Variants in MYRIP observed in about 807,000 individuals in gnomAD.
The protein encoded by MYRIP is rab effector MyRIP.
Under a neutral mutation model 98.0 loss-of-function variants are expected in MYRIP, and 49 were observed. The observed-to-expected ratio is 0.50, with a 90% CI of 0.40 to 0.63. The LOEUF (loss-of-function observed/expected upper bound fraction) is 0.63. Among genes scored for constraint, MYRIP ranks in the 30% least tolerant of loss-of-function variants. MYRIP has a pLI of 0.00. For missense variants in MYRIP, 1,004 were observed against 1,058.2 expected, an observed-to-expected ratio of 0.95 and a Z score of 0.71; for synonymous variants, 404 against 409.5, an observed-to-expected ratio of 0.99 and a Z score of 0.16.
At chr3:40,210,323 C>T (rs1398663568) in intron 11 of MYRIP, among the ~76,000 whole-genome samples, 1 of 152,198 alleles carries the variant, frequency 6.6e-6, no homozygotes, top group African/African-American at 2.4e-5. Flanking sequence ...CTTCCACTAT[C>T]TTTCATCAAG....
chr3:39,984,823 A>G (rs1945991697), intron 2 of MYRIP, among the ~76,000 whole-genome samples: 1 of 151,896 alleles, frequency 6.6e-6, no homozygotes, highest in Admixed American at 6.6e-5. Context: ...CAATGGTTGA[A>G]CTAGTTTACA....
intron 3 of MYRIP, among the ~76,000 whole-genome samples, chr3:40,121,220 G>A (rs1019462315): frequency 6.6e-6 from 1 of 152,092 alleles, no homozygotes; most frequent in African/African-American, 2.4e-5. Context: ...AGTCCTAGAA[G>A]GGACCAAGGG....
chr3:40,061,627 A>G (rs982683891), intron 3 of MYRIP, among the ~76,000 whole-genome samples: 4 of 152,152 alleles, frequency 2.6e-5, no homozygotes, highest in Non-Finnish European at 5.9e-5. Flanking sequence ...GTTGAATGGT[A>G]GTTCTGTTTT....
At chr3:40,123,668 G>A (rs1949455703) in intron 3 of MYRIP, among the ~76,000 whole-genome samples, 1 of 152,184 alleles carries the variant, frequency 6.6e-6, no homozygotes, top group South Asian at 2.1e-4. Context: ...AAGATCCATT[G>A]TGAGCTGATC....
intron 10 of MYRIP, among the ~76,000 whole-genome samples, chr3:40,198,033 A>C (rs1295443784): frequency 6.6e-6 from 1 of 152,186 alleles, no homozygotes. Flanking sequence ...TGAATGAATG[A>C]ATTAGAAAGA....
At chr3:39,861,006 T>C (rs111804095) in intron 1 of MYRIP, among the ~76,000 whole-genome samples, 1 of 152,228 alleles carries the variant, frequency 6.6e-6, no homozygotes, top group East Asian at 1.9e-4. Flanking sequence ...TGCGTTCTGC[T>C]GCACTGCTGC....
intron 3 of MYRIP, among the ~76,000 whole-genome samples, chr3:40,136,641 A>T (rs9819384): frequency 0.23 from 32,605 of 144,074 alleles, 3,833 homozygotes; most frequent in South Asian, 0.36. Context: ...GAAGTAAAAC[A>T]CTCCTCAGCA....
intron 1 of MYRIP, among the ~76,000 whole-genome samples, chr3:39,877,539 T>G (rs1207973209): frequency 1.3e-5 from 2 of 152,308 alleles, no homozygotes; most frequent in East Asian, 3.9e-4. Context: ...GTCCTTTCTG[T>G]TTGTTAGTTT....
At chr3:39,817,015 C>T (rs367681178) in intron 1 of MYRIP, among the ~76,000 whole-genome samples, 15 of 152,246 alleles carry the variant, frequency 9.9e-5, no homozygotes, top group East Asian at 3.9e-4. Flanking sequence ...ATAGCACTAA[C>T]GAGTGTCTGC....
chr3:39,844,079 A>G (rs77595813), intron 1 of MYRIP, among the ~76,000 whole-genome samples: 186 of 152,316 alleles, frequency 1.2e-3, no homozygotes, highest in African/African-American at 4.3e-3. Flanking sequence ...GAGCTTCCAC[A>G]TAGGCATTCA....
chr3:40,228,022 G>A (rs1443759619), intron 11 of MYRIP, among the ~76,000 whole-genome samples: 1 of 152,226 alleles, frequency 6.6e-6, no homozygotes, highest in Non-Finnish European at 1.5e-5. Flanking sequence ...GTCCACAGTA[G>A]GAGACCACAG....
intron 3 of MYRIP, among the ~76,000 whole-genome samples, chr3:40,146,657 T>C (rs1950017529): frequency 6.6e-6 from 1 of 152,180 alleles, no homozygotes; most frequent in Non-Finnish European, 1.5e-5. Flanking sequence ...CCAACAGCTT[T>C]AGACTGACCT....
intron 10 of MYRIP, among the ~76,000 whole-genome samples, chr3:40,200,816 G>A (rs1455845528): frequency 6.6e-6 from 1 of 152,148 alleles, no homozygotes; most frequent in East Asian, 1.9e-4. Flanking sequence ...TCACGTGATT[G>A]CCAGGAAATC....
chr3:39,918,485 G>A (rs908613937), intron 2 of MYRIP, among the ~76,000 whole-genome samples: 9 of 152,036 alleles, frequency 5.9e-5, no homozygotes, highest in Non-Finnish European at 1.0e-4. Flanking sequence ...TGAGTATCCC[G>A]CAACCACCTG....
At chr3:40,150,574 T>C (rs931969776) in intron 3 of MYRIP, among the ~76,000 whole-genome samples, 1 of 152,234 alleles carries the variant, frequency 6.6e-6, no homozygotes, top group Non-Finnish European at 1.5e-5. Flanking sequence ...TAAAGCCTAC[T>C]ATTAAATGCC....
rs530484163 is a variant in MYRIP, at chr3:39,880,833, T to C, written c.-30-19954T>C. ...TGATATATTTTGATGTCATATTTCATTCATTGTGTTGGAGACTCAGTGGGT... is the reference window on the plus strand; with the variant it reads ...TGATATATTTTGATGTCATATTTCACTCATTGTGTTGGAGACTCAGTGGGT... On this transcript the variant is annotated intron_variant, in intron 1 of 16. Transcript: ENST00000302541. Among the ~76,000 whole-genome samples the C allele has an allele frequency of 4.6e-5, 7 of 152,334 alleles. No homozygotes were observed. In the South Asian group the frequency reaches 1.0e-3, roughly 23 times the overall value.
At chr3:39,928,434 A>G (rs779078020) in intron 2 of MYRIP, among the ~76,000 whole-genome samples, 1 of 152,016 alleles carries the variant, frequency 6.6e-6, no homozygotes, top group Non-Finnish European at 1.5e-5. Context: ...AAAATCTTGT[A>G]CAAAATATTA....
At chr3:40,093,486 C>G (rs1014220115) in intron 3 of MYRIP, among the ~76,000 whole-genome samples, 1 of 152,198 alleles carries the variant, frequency 6.6e-6, no homozygotes, top group Admixed American at 6.5e-5. Flanking sequence ...CCCAGATTCT[C>G]TAGTTGGAAC....
intron 3 of MYRIP, among the ~76,000 whole-genome samples, chr3:40,146,007 GA>G (rs766508651): frequency 4.6e-5 from 7 of 152,154 alleles, no homozygotes; most frequent in Admixed American, 3.3e-4. Flanking sequence ...ATAGGAGTGG[GA>G]AAAAAATGTC....
Sources: allele counts gnomAD v4.1 joint callset (sites outside exome capture counted in the v4.1 genomes callset), GRCh38; gene constraint gnomAD v4.1.1; transcripts MANE v1.5; gene names NCBI Gene and HGNC (gene_info 2026-07-23, HGNC 2026-07-21).